The following PCID2 variants were observed in gnomAD, a reference collection of about 807,000 sequenced individuals.
The protein encoded by PCID2 is PCI domain-containing protein 2.
A neutral mutation model predicts 61.3 loss-of-function variants in PCID2; 41 were observed. That is an observed-to-expected ratio of 0.67 (90% CI 0.52 to 0.87). The LOEUF (loss-of-function observed/expected upper bound fraction) is 0.87. Among genes scored for constraint, PCID2 ranks in the 40% least tolerant of loss-of-function variants. The pLI, the probability that PCID2 is intolerant of heterozygous loss-of-function variation, is 0.00. For synonymous variants in PCID2, 187 were observed against 177.8 expected, an observed-to-expected ratio of 1.05 and a Z score of -0.41; for missense variants, 392 against 493.4, an observed-to-expected ratio of 0.79 and a Z score of 1.95.
downstream of PCID2, among the ~76,000 whole-genome samples, chr13:113,175,039 C>CT (rs2037166375): frequency 6.6e-6 from 1 of 152,160 alleles, no homozygotes; most frequent in African/African-American, 2.4e-5. Flanking sequence ...GTGAGGGCGT[C>CT]TAACGAGAGC....
intron 7 of PCID2, among the ~76,000 whole-genome samples, chr13:113,189,884 G>A (rs902748263): frequency 2.0e-5 from 3 of 152,062 alleles, no homozygotes; most frequent in Non-Finnish European, 4.4e-5. Flanking sequence ...GTAGCCGGAC[G>A]TGGTGGCATG....
chr13:113,185,731 T>C (rs1220333897), intron 7 of PCID2, 171 bp from the exon 8 acceptor site: 3 of 481,008 alleles, frequency 6.2e-6, no homozygotes, highest in South Asian at 4.3e-5. Flanking sequence ...AATAACATTA[T>C]GAAAAAAGAT....
At chr13:113,172,217 C>A in the PCID2 span, 1 of 1,426,532 alleles carries the variant, frequency 7.0e-7, no homozygotes, top group Admixed American at 1.9e-5. Flanking sequence ...GCCGTCACAG[C>A]CCCAGACCAC....
Position 113,181,220 on chromosome 13 carries a change from G to A in PCID2, c.696C>T (p.Tyr232=). 6.2e-7 allele frequency: 1 copy of A among 1,611,256 alleles called. No homozygotes were observed. Among genetic ancestry groups the A allele is most frequent in the Non-Finnish European group, 8.5e-7 (1 of 1,177,580 alleles). The change falls in exon 10 of 14, where the codon TAC becomes TAT. Residue 232 remains tyrosine, a synonymous_variant. Coordinates refer to ENST00000337344, the MANE Select transcript of PCID2 (RefSeq NM_001127202.4). The part of the protein sequence containing the change: ...FDSDFKQAEE[Y]LSFAFEHCHR... ...GACAATGCTCAAAGGCAAATGACAG[G>A]TACTCCTCAGCTGCAAAGAAGGCAG...
chr13:113,165,197 T>G, the PCID2 span: 109 of 1,462,618 alleles, frequency 7.5e-5, no homozygotes, highest in Non-Finnish European at 1.0e-4. Context: ...AATAGAAATG[T>G]TGACAACTAA....
chr13:113,191,151 T>C (rs1376800968), intron 6 of PCID2, among the ~76,000 whole-genome samples, 176 bp from the exon 7 acceptor site: 2 of 152,148 alleles, frequency 1.3e-5, no homozygotes, highest in Non-Finnish European at 2.9e-5. Flanking sequence ...GGTACTACCA[T>C]GCCTGGCTAG....
At chr13:113,206,426 G>A (rs369374275) in intron 1 of PCID2, among the ~76,000 whole-genome samples, 10 of 152,312 alleles carry the variant, frequency 6.6e-5, no homozygotes, top group African/African-American at 2.4e-4. Context: ...TGTGGCAACA[G>A]ATAAAGAAGG....
At chr13:113,171,673 G>A in the PCID2 span, 42 of 1,613,884 alleles carry the variant, frequency 2.6e-5, no homozygotes, top group South Asian at 1.3e-4. The surrounding 1 kb of genome is among the most constrained non-coding windows in gnomAD (Gnocchi z 5.1). Flanking sequence ...ACGCGGACGC[G>A]GGGGAGAATG....
At chr13:113,171,757 A>G in the PCID2 span, 2 of 1,612,124 alleles carry the variant, frequency 1.2e-6, no homozygotes, top group Middle Eastern at 1.7e-4. The surrounding 1 kb of genome is among the most constrained non-coding windows in gnomAD (Gnocchi z 5.1). Flanking sequence ...CCCCTGAGAA[A>G]GACTTCGCTG....
chr13:113,171,452 G>A, the PCID2 span: 3 of 968,366 alleles, frequency 3.1e-6, no homozygotes, highest in Non-Finnish European at 1.6e-6. The surrounding 1 kb of genome is among the most constrained non-coding windows in gnomAD (Gnocchi z 5.1). Flanking sequence ...AAGGCACAGT[G>A]TCCACACCAC....
the PCID2 span, chr13:113,165,276 C>T: frequency 1.3e-6 from 1 of 747,402 alleles, no homozygotes; most frequent in Non-Finnish European, 2.3e-6. Flanking sequence ...CACTTCCAAC[C>T]ATGTTCTAAT....
Position 113,201,738 on chromosome 13 carries a change from G to A in PCID2, c.37-1222C>T, listed in dbSNP as rs545591024. ...GAGGGAGGAGAATGGCGCGAACCCA[G>A]GAGGCGGAGCTTGCATGCAGTGAGC... On this transcript the variant is annotated intron_variant, in intron 1 of 13. Coordinates refer to ENST00000337344, the MANE Select transcript of PCID2 (RefSeq NM_001127202.4). Among the ~76,000 whole-genome samples the A allele has an allele frequency of 2.7e-5, 4 of 150,890 alleles. No homozygotes were observed. The South Asian group carries it at 8.4e-4, about 32-fold the overall frequency.
At chr13:113,175,426 G>A (rs2037170450), downstream of PCID2, among the ~76,000 whole-genome samples, 1 of 152,138 alleles carries the variant, frequency 6.6e-6, no homozygotes, top group Non-Finnish European at 1.5e-5. Flanking sequence ...AGGTATGCTG[G>A]CAGAAATTCC....
At chr13:113,187,105 C>T (rs1221556860) in intron 7 of PCID2, 1 of 152,196 alleles carries the variant, frequency 6.6e-6, no homozygotes, top group Non-Finnish European at 1.5e-5. Flanking sequence ...TCTCGTTTTC[C>T]TCATCTGAAA....
At chr13:113,176,470 A>G, downstream of PCID2, among the ~76,000 whole-genome samples, 2 of 152,296 alleles carry the variant, frequency 1.3e-5, 1 homozygote, top group Admixed American at 1.3e-4. Flanking sequence ...TGGCCTTATA[A>G]GAGGAAGAGA....
intron 7 of PCID2, chr13:113,187,507 C>G (rs2038224897): frequency 6.6e-6 from 1 of 152,188 alleles, no homozygotes; most frequent in Non-Finnish European, 1.5e-5. Context: ...TACAGTCATC[C>G]CACTGGGTGT....
At chr13:113,202,102 G>C (rs2039478158) in intron 1 of PCID2, among the ~76,000 whole-genome samples, 1 of 152,172 alleles carries the variant, frequency 6.6e-6, no homozygotes, top group African/African-American at 2.4e-5. Flanking sequence ...TGGTGATGGG[G>C]TAACTTGGGG....
Position 113,180,196 on chromosome 13 carries a change from A to G in PCID2, c.822T>C (p.Tyr274=), listed in dbSNP as rs1246157159. 1.2e-6 allele frequency: 2 copies of G among 1,613,978 alleles called. No homozygotes were observed. The highest frequency in any genetic ancestry group is 3.3e-5 in the Admixed American group (2 of 60,022). The change falls in exon 11 of 14, where the codon TAT becomes TAC. Residue 274 remains tyrosine (Y), a synonymous_variant. Coordinates refer to ENST00000337344, the MANE Select transcript of PCID2 (RefSeq NM_001127202.4). ...TTACTTCCGCAAACTGCATCAGGTG[A>G]TACTTTTTCAGGAGCTCCACAGTGG... is the stretch of plus-strand genomic sequence containing the variant. ...HMPTVELLKK[Y]HLMQFAEVTR... is the part of the protein sequence containing the mutation.
At chr13:113,173,529 C>A (rs1024681148), downstream of PCID2, among the ~76,000 whole-genome samples, 2 of 152,178 alleles carry the variant, frequency 1.3e-5, no homozygotes, top group African/African-American at 4.8e-5. Flanking sequence ...GAGTTGAGAA[C>A]AATTTACACA....
Sources: gnomAD v4.1 joint callset for allele counts (sites outside exome capture counted in the v4.1 genomes callset) on GRCh38, gnomAD v4.1.1 for gene constraint, Gnocchi (gnomAD v3.1) non-coding constraint, MANE v1.5 for transcripts, NCBI Gene and HGNC (gene_info 2026-07-23, HGNC 2026-07-21) for gene names.